Variants in UBN2 observed in about 807,000 individuals in gnomAD.
UBN2 encodes ubinuclein-2.
Under a neutral mutation model 120.2 loss-of-function variants are expected in UBN2, and 35 were observed. The ratio of observed to expected loss-of-function variants is 0.29; its 90% CI spans 0.22 to 0.39. The LOEUF (loss-of-function observed/expected upper bound fraction) is 0.39. Among genes scored for constraint, UBN2 ranks in the 10% least tolerant of loss-of-function variants. The pLI is 1.00. For missense variants in UBN2, 1,693 were observed against 1,663.2 expected, an observed-to-expected ratio of 1.02 and a Z score of -0.31; for synonymous variants, 661 against 648.7, an observed-to-expected ratio of 1.02 and a Z score of -0.29.
chr7:139,278,216 C>G (rs945194826), intron 12 of UBN2, among the ~76,000 whole-genome samples: 3 of 140,430 alleles, frequency 2.1e-5, no homozygotes, highest in Non-Finnish European at 4.5e-5. Context: ...GAGTCTTGCT[C>G]TGTCGCCCAG....
rs577512934 is a variant in UBN2, at chr7:139,239,562, T to G, written c.561+2465T>G. Reference sequence around the variant, plus strand: ...CTATATTAGAGTGTCTTTTTTTTTTTTTTTTTTTTTTTGAGGCAGAGTTTC... The same window carrying G: ...CTATATTAGAGTGTCTTTTTTTTTTGTTTTTTTTTTTTGAGGCAGAGTTTC... On this transcript the variant is annotated intron_variant, in intron 2 of 17. Coordinates refer to ENST00000473989, the MANE Select transcript of UBN2 (RefSeq NM_173569.4). Among the ~76,000 whole-genome samples the G allele has an allele frequency of 1.8e-3, 270 of 147,336 alleles. 2 individuals are homozygous for G. Among genetic ancestry groups the G allele is most frequent in the African/African-American group, 6.4e-3 (255 of 39,856 alleles).
chr7:139,265,198 A>C (rs1226919044), intron 6 of UBN2, among the ~76,000 whole-genome samples: 14 of 152,142 alleles, frequency 9.2e-5, no homozygotes, highest in Admixed American at 9.2e-4. Context: ...CAACTTTTAC[A>C]GATTTTTAAA....
chr7:139,243,009 C>G (rs1796364774), intron 2 of UBN2, among the ~76,000 whole-genome samples: 1 of 152,200 alleles, frequency 6.6e-6, no homozygotes, highest in African/African-American at 2.4e-5. Flanking sequence ...CATTCTTGCT[C>G]TGTCTACTAG....
chr7:139,252,484 A>G (rs1286674716), intron 3 of UBN2, among the ~76,000 whole-genome samples: 1 of 152,214 alleles, frequency 6.6e-6, no homozygotes, highest in Non-Finnish European at 1.5e-5. Context: ...TAAATTTCAT[A>G]TAATTTTTCG....
At chr7:139,232,642 A>G (rs1047213216) in intron 1 of UBN2, among the ~76,000 whole-genome samples, 1 of 152,150 alleles carries the variant, frequency 6.6e-6, no homozygotes, top group African/African-American at 2.4e-5. Flanking sequence ...GAGTTCGTTC[A>G]TATTGTAATT....
At position 139,283,968 on chromosome 7, in the gene UBN2, G is replaced by C. The variant is rs372389182; in HGVS notation, c.3063G>C (p.Gln1021His). The C allele has an allele frequency of 5.5e-5, 88 of 1,613,832 alleles. No homozygotes were observed. The highest frequency in any genetic ancestry group is 7.4e-5 in the Non-Finnish European group (87 of 1,179,996). The stretch of plus-strand genomic sequence containing the variant: ...ATTTAGCCAAGGCTATGGTGTCACA[G>C]ATCTCCACGCAGGGTTTCAAATCTC... ...SNYLAKAMVS[Q>H]ISTQGFKSPF... is the part of the protein sequence containing the mutation. Residue 1021 changes from glutamine (Q) to histidine (H), a missense_variant, in exon 15 of 18, where the codon CAG becomes CAC. Transcript: ENST00000473989.
At chr7:139,316,761 A>G in the UBN2 span, among the ~76,000 whole-genome samples, 1 of 151,010 alleles carries the variant, frequency 6.6e-6, no homozygotes, top group Non-Finnish European at 1.5e-5. Context: ...ATAAAAAATT[A>G]TGTATGTGTG....
At chr7:139,273,524 G>C in intron 10 of UBN2, 114 bp downstream of exon 10, 1 of 695,232 alleles carries the variant, frequency 1.4e-6, no homozygotes, top group South Asian at 3.2e-5. Flanking sequence ...AGATTAGTGT[G>C]TAGGAAAAAA....
the UBN2 span, among the ~76,000 whole-genome samples, chr7:139,316,090 AAAAAAAAAAAAAAAAAAG>A: frequency 4.0e-4 from 57 of 142,396 alleles, 3 homozygotes; most frequent in Middle Eastern, 0.011. Flanking sequence ...AAAAAAAAAA[AAAAAAAAAAAAAAAAAAG>A]GGGTTCCAGT....
At chr7:139,268,160 A>C (rs781475788) in intron 7 of UBN2, among the ~76,000 whole-genome samples, 4 of 152,216 alleles carry the variant, frequency 2.6e-5, no homozygotes, top group Non-Finnish European at 5.9e-5. Context: ...TCAGCATTCC[A>C]TTAACAGGCT....
rs1457038246 is a variant in UBN2, at chr7:139,301,586, C to T, written c.*3750C>T. On this transcript the variant is annotated 3_prime_UTR_variant, in exon 18 of 18. Transcript: ENST00000473989. ...TAGGATGTTTTGTCCTCTAGTTTGACTCATGTATAGAATTAGGATACTTTA... is the reference window on the plus strand; with the variant it reads ...TAGGATGTTTTGTCCTCTAGTTTGATTCATGTATAGAATTAGGATACTTTA... 6.6e-6 allele frequency: 1 copy of T among 152,096 alleles called. No individual in the cohort carries two copies. The highest frequency in any genetic ancestry group is 2.4e-5 in the African/African-American group (1 of 41,408). 9.4% of individuals were successfully genotyped at this position (152,096 alleles called of 1,614,324 possible).
chr7:139,273,013 T>C (rs955784005), intron 9 of UBN2, among the ~76,000 whole-genome samples: 2 of 152,254 alleles, frequency 1.3e-5, no homozygotes, highest in African/African-American at 4.8e-5. Flanking sequence ...GAGCTGACAC[T>C]GGTGAGAGAT....
intron 3 of UBN2, among the ~76,000 whole-genome samples, chr7:139,254,985 A>G (rs1160303004): frequency 1.3e-5 from 2 of 152,178 alleles, no homozygotes; most frequent in Non-Finnish European, 2.9e-5. Flanking sequence ...ATTAGGGTTC[A>G]TTCTTGGGGT....
At chr7:139,254,799 G>A (rs964847558) in intron 3 of UBN2, among the ~76,000 whole-genome samples, 1 of 152,172 alleles carries the variant, frequency 6.6e-6, no homozygotes, top group African/African-American at 2.4e-5. Flanking sequence ...TTTTCTTAGA[G>A]CAGTTTTAGA....
chr7:139,320,919 C>T, the UBN2 span, among the ~76,000 whole-genome samples: 7 of 151,654 alleles, frequency 4.6e-5, no homozygotes, highest in African/African-American at 1.2e-4. Flanking sequence ...AATATAAGGA[C>T]GAAATATATA....
chr7:139,265,288 C>G (rs558159704), intron 6 of UBN2, among the ~76,000 whole-genome samples: 160 of 151,974 alleles, frequency 1.1e-3, no homozygotes, highest in African/African-American at 3.5e-3. Flanking sequence ...ACCATCCTGG[C>G]TAACACGATG....
intron 15 of UBN2, among the ~76,000 whole-genome samples, chr7:139,286,387 A>G (rs887617978): frequency 1.3e-5 from 2 of 152,140 alleles, no homozygotes; most frequent in Non-Finnish European, 2.9e-5. Flanking sequence ...TCTGTCTTCC[A>G]TATCATCTTC....
chr7:139,296,431 T>G lies in UBN2; in HGVS notation c.3995-1356T>G, dbSNP rs147246456. On this transcript the variant is annotated intron_variant, in intron 17 of 17. Transcript: ENST00000473989. ...TTTGCCAAACCCTGGTCAAATTTGT[T>G]CCTTTTCACCTGTGTATTTCTGCTA... Among the ~76,000 whole-genome samples the G allele has an allele frequency of 3.6e-3, 546 of 152,330 alleles. 8 individuals carry two copies. The highest frequency in any genetic ancestry group is 0.012 in the African/African-American group (509 of 41,568).
In UBN2 at chr7:139,293,228, A is replaced by G. The variant is rs1798012372; in HGVS notation, c.3670-4A>G. On this transcript the variant is annotated splice_region_variant and splice_polypyrimidine_tract_variant and intron_variant, in intron 15 of 17. Transcript: ENST00000473989. ...ATGTATTTTGACCCCTGGTTTCTGC[A>G]CAGTCCACAGCAGGAGCATCATTAT... The G allele has an allele frequency of 6.2e-7, 1 of 1,613,544 alleles. No individual in the cohort carries two copies. The highest frequency in any genetic ancestry group is 8.5e-7 in the Non-Finnish European group (1 of 1,179,400).
Sources: gnomAD v4.1 joint callset for allele counts (sites outside exome capture counted in the v4.1 genomes callset) on GRCh38, gnomAD v4.1.1 for gene constraint, MANE v1.5 for transcripts, NCBI Gene and HGNC (gene_info 2026-07-23, HGNC 2026-07-21) for gene names.